KLRG1: variants seen among roughly 807,000 people sequenced by gnomAD.
The protein encoded by KLRG1 is killer cell lectin like receptor G1.
KLRG1 carries 16 observed loss-of-function variants against 21.8 expected under a neutral mutation model. That is an observed-to-expected ratio of 0.73 (90% CI 0.50 to 1.11). KLRG1 has a LOEUF of 1.11. Ranked by LOEUF, KLRG1 falls within the 50% of genes most tolerant of loss-of-function variation. KLRG1 has a pLI of 0.00. For synonymous variants in KLRG1, 69 were observed against 75.9 expected (o/e 0.91, Z 0.47); for missense variants, 173 against 218.3 (o/e 0.79, Z 1.31).
chr12:9,077,593 T>C, the KLRG1 span: 2 of 1,534,404 alleles, frequency 1.3e-6, no homozygotes, highest in Admixed American at 3.9e-5. Context: ...ATCCAGGTTT[T>C]ATTTTCCTCT....
chr12:9,086,293 T>C, the KLRG1 span, among the ~76,000 whole-genome samples: 1 of 152,198 alleles, frequency 6.6e-6, no homozygotes, highest in Non-Finnish European at 1.5e-5. Flanking sequence ...TGTGGGTGGC[T>C]GAGGTGGTAG....
the KLRG1 span, among the ~76,000 whole-genome samples, chr12:9,059,996 CTTTTTTTTTTT>C: frequency 2.8e-4 from 21 of 75,572 alleles, no homozygotes; most frequent in East Asian, 1.3e-3. Flanking sequence ...GCCCTGGCAT[CTTTTTTTTTTT>C]TTTTTTTTTT....
the KLRG1 span, chr12:9,165,495 C>T: frequency 7.0e-6 from 7 of 1,006,786 alleles, no homozygotes; most frequent in East Asian, 2.6e-5. Flanking sequence ...AGTGTGCATT[C>T]GTGTGAACAC....
the KLRG1 span, chr12:9,109,173 G>A: frequency 1.6e-6 from 1 of 607,436 alleles, no homozygotes; most frequent in Admixed American, 2.9e-5. Context: ...AAAGCAACAG[G>A]AGAATAACAT....
At chr12:9,150,310 T>G in the KLRG1 span, among the ~76,000 whole-genome samples, 108 of 152,228 alleles carry the variant, frequency 7.1e-4, 1 homozygote, top group African/African-American at 2.5e-3. Flanking sequence ...TGAGACGGAG[T>G]CTCGCACCGT....
At chr12:9,094,121 T>G in the KLRG1 span, among the ~76,000 whole-genome samples, 2 of 151,982 alleles carry the variant, frequency 1.3e-5, no homozygotes, top group African/African-American at 4.8e-5. Flanking sequence ...AAGTTTCCAT[T>G]GGTGTGCTCC....
the KLRG1 span, chr12:9,161,138 G>A: frequency 6.7e-7 from 1 of 1,497,206 alleles, no homozygotes; most frequent in East Asian, 2.3e-5. Flanking sequence ...GACAGCCCAT[G>A]TTAAAGGAGG....
At chr12:9,158,174 T>C in the KLRG1 span, among the ~76,000 whole-genome samples, 1 of 152,206 alleles carries the variant, frequency 6.6e-6, no homozygotes, top group Non-Finnish European at 1.5e-5. Context: ...AGGCTAGTCT[T>C]ATACTCCTGG....
At chr12:9,024,754 T>C in the KLRG1 span, among the ~76,000 whole-genome samples, 1,490 of 152,310 alleles carry the variant, frequency 9.8e-3, 24 homozygotes, top group African/African-American at 0.033. Context: ...GGTTCCATTT[T>C]TGAAGGATAA....
At chr12:8,969,288 T>C (rs1946529285) in intron 1 of KLRG1, among the ~76,000 whole-genome samples, 1 of 152,196 alleles carries the variant, frequency 6.6e-6, no homozygotes, top group African/African-American at 2.4e-5. Context: ...GTGAGTTGTT[T>C]ACATGCAGTG....
At position 8,969,370 on chromosome 12, in the gene KLRG1, T is replaced by C. The variant is rs774294670; in HGVS notation, c.-156+19134T>C. ...GGTGGCTCTGTGGGCTCCCAGGCTG[T>C]TGCTCAGTGCAGTCAGCCGTTCTTG... On this transcript the variant is annotated intron_variant, in intron 1 of 4. Transcript: ENST00000539240. Among the ~76,000 whole-genome samples the C allele has an allele frequency of 1.9e-3, 295 of 152,260 alleles. 1 individual carries two copies. Among genetic ancestry groups the C allele is most frequent in the African/African-American group, 6.6e-3 (273 of 41,556 alleles).
the KLRG1 span, among the ~76,000 whole-genome samples, chr12:9,044,359 T>G: frequency 6.6e-6 from 1 of 152,058 alleles, no homozygotes; most frequent in Admixed American, 6.6e-5. Context: ...AAATAAGAAT[T>G]TTTACTCAAA....
At chr12:9,068,155 G>T in the KLRG1 span, 1 of 1,611,948 alleles carries the variant, frequency 6.2e-7, no homozygotes, top group Non-Finnish European at 8.5e-7. Context: ...AGCTCTGACT[G>T]CCTTTTGGAG....
the KLRG1 span, chr12:9,192,275 G>C: frequency 2.5e-6 from 4 of 1,612,012 alleles, no homozygotes; most frequent in Non-Finnish European, 3.4e-6. Context: ...AAAAAACAGT[G>C]AAGGAAATTT....
At chr12:9,051,503 C>T in the KLRG1 span, among the ~76,000 whole-genome samples, 2 of 152,276 alleles carry the variant, frequency 1.3e-5, no homozygotes, top group South Asian at 4.2e-4. Context: ...GCAATCCTCT[C>T]CACGCTTCCT....
the KLRG1 span, among the ~76,000 whole-genome samples, chr12:9,041,002 T>C: frequency 6.6e-6 from 1 of 152,228 alleles, no homozygotes; most frequent in African/African-American, 2.4e-5. Flanking sequence ...TTTCCAAAGA[T>C]GCACATCACT....
the KLRG1 span, among the ~76,000 whole-genome samples, chr12:9,167,739 T>C: frequency 6.6e-6 from 1 of 152,326 alleles, no homozygotes; most frequent in Admixed American, 6.5e-5. Context: ...AGAAGCTCTT[T>C]TTTTCCTGAG....
the KLRG1 span, among the ~76,000 whole-genome samples, chr12:9,029,754 T>G: frequency 6.6e-6 from 1 of 152,094 alleles, no homozygotes; most frequent in Non-Finnish European, 1.5e-5. Context: ...GTCTGTATTT[T>G]TAATTAATTA....
At position 9,009,943 on chromosome 12, in the gene KLRG1, T is replaced by C. The variant is rs1022913561; in HGVS notation, c.*406T>C. ...GCTTGTGTACTAGAGAAGTACATTA[T>C]TGCTGTACTCCTCTGTACATTACTG... On this transcript the variant is annotated 3_prime_UTR_variant, in exon 5 of 5. Transcript: ENST00000356986. 6.6e-7 allele frequency: 1 copy of C among 1,515,538 alleles called. No individual in the cohort carries two copies. The highest frequency in any genetic ancestry group is 2.0e-5 in the Admixed American group (1 of 50,814). The allele number at this position is 1,515,538 out of a possible 1,614,324, so 93.9% of individuals were successfully genotyped here. A position where few individuals can be genotyped will look rare whatever the true frequency, so the allele number is the denominator to read the frequency against.
Sources: gnomAD v4.1 joint callset for allele counts (sites outside exome capture counted in the v4.1 genomes callset) on GRCh38, gnomAD v4.1.1 for gene constraint, MANE v1.5 for transcripts, NCBI Gene and HGNC (gene_info 2026-07-23, HGNC 2026-07-21) for gene names.